GRM7: variants seen among roughly 807,000 people sequenced by gnomAD.
The protein encoded by GRM7 is glutamate metabotropic receptor 7.
In GRM7, 35 loss-of-function variants were observed where a neutral mutation model predicts 84.5. That is an observed-to-expected ratio of 0.41 (90% confidence interval 0.32 to 0.55). The LOEUF (loss-of-function observed/expected upper bound fraction) is 0.55, where lower values mean the gene tolerates loss of function less well. Ranked by LOEUF, GRM7 falls within the 20% of genes least tolerant of loss-of-function variation. GRM7 has a pLI of 0.19. For missense variants in GRM7, 1,003 were observed against 1,194.6 expected, an observed-to-expected ratio of 0.84 and a Z score of 2.36; for synonymous variants, 487 against 455.1, an observed-to-expected ratio of 1.07 and a Z score of -0.89.
At chr3:7,542,730 TAG>T (rs2125016925) in intron 7 of GRM7, among the ~76,000 whole-genome samples, 1 of 152,132 alleles carries the variant, frequency 6.6e-6, no homozygotes, top group South Asian at 2.1e-4. Flanking sequence ...GTATTTTTAG[TAG>T]AGACAGGTTT....
intron 1 of GRM7, among the ~76,000 whole-genome samples, chr3:7,129,709 T>C (rs1036270678): frequency 6.6e-6 from 1 of 152,162 alleles, no homozygotes; most frequent in Non-Finnish European, 1.5e-5. Flanking sequence ...GAGAATGGAA[T>C]TGACATTCTA....
intron 5 of GRM7, among the ~76,000 whole-genome samples, chr3:7,431,026 G>T (rs374862504): frequency 2.0e-5 from 3 of 151,950 alleles, no homozygotes; most frequent in Admixed American, 6.6e-5. Context: ...GTGGGGAGGG[G>T]CCCAGTGCGA....
intron 1 of GRM7, among the ~76,000 whole-genome samples, chr3:6,984,783 G>T (rs1694345318): frequency 6.6e-6 from 1 of 152,130 alleles, no homozygotes; most frequent in African/African-American, 2.4e-5. Flanking sequence ...TGAAAAATTA[G>T]GTGCAAGAAA....
chr3:7,419,961 G>T (rs1021776554), intron 5 of GRM7, among the ~76,000 whole-genome samples: 5 of 152,160 alleles, frequency 3.3e-5, no homozygotes, highest in Admixed American at 1.3e-4. Flanking sequence ...ACTGTGGAAA[G>T]ATATCAAGGG....
chr3:7,691,567 A>G (rs1700801343), intron 9 of GRM7, among the ~76,000 whole-genome samples: 1 of 152,190 alleles, frequency 6.6e-6, no homozygotes, highest in Non-Finnish European at 1.5e-5. Flanking sequence ...GATTCTGTAT[A>G]TGAAAGCCCT....
intron 9 of GRM7, among the ~76,000 whole-genome samples, chr3:7,686,164 G>A (rs2092177788): frequency 6.6e-6 from 1 of 152,100 alleles, no homozygotes; most frequent in Admixed American, 6.6e-5. Context: ...AGAGGCACCA[G>A]TACTCCCATG....
intron 7 of GRM7, among the ~76,000 whole-genome samples, chr3:7,477,130 A>G (rs886630358): frequency 2.0e-5 from 3 of 152,186 alleles, no homozygotes; most frequent in Non-Finnish European, 4.4e-5. Flanking sequence ...ATTTGGTACT[A>G]ACTTTTCTTT....
intron 2 of GRM7, among the ~76,000 whole-genome samples, chr3:7,177,859 C>A (rs911603185): frequency 6.6e-6 from 1 of 152,170 alleles, no homozygotes; most frequent in Non-Finnish European, 1.5e-5. Context: ...AATCCTATCA[C>A]AAATGAAAAT....
chr3:6,997,564 A>G (rs1411285195), intron 1 of GRM7, among the ~76,000 whole-genome samples: 5 of 152,174 alleles, frequency 3.3e-5, no homozygotes, highest in African/African-American at 1.2e-4. Context: ...AACTGCCCCC[A>G]TGATTCAATT....
At chr3:7,394,783 A>G (rs917671928) in intron 4 of GRM7, among the ~76,000 whole-genome samples, 1 of 152,176 alleles carries the variant, frequency 6.6e-6, no homozygotes, top group Admixed American at 6.5e-5. Context: ...CATGCCTGTA[A>G]TCCCAGCACT....
chr3:7,640,890 A>G (rs1417970877), intron 8 of GRM7, among the ~76,000 whole-genome samples: 1 of 152,212 alleles, frequency 6.6e-6, no homozygotes, highest in Non-Finnish European at 1.5e-5. Flanking sequence ...AAGCCATGAC[A>G]ATGACTAACC....
intron 1 of GRM7, among the ~76,000 whole-genome samples, chr3:6,951,142 A>T (rs1469754931): frequency 6.6e-6 from 1 of 152,152 alleles, no homozygotes; most frequent in Non-Finnish European, 1.5e-5. Context: ...CTCACACTGG[A>T]AGCTGTAGAC....
chr3:7,611,927 C>A (rs1247473245), intron 8 of GRM7, among the ~76,000 whole-genome samples: 2 of 152,154 alleles, frequency 1.3e-5, no homozygotes, highest in African/African-American at 2.4e-5. Flanking sequence ...TGTAAAAATT[C>A]ACAATTCTCA....
chr3:6,884,377 C>CA (rs1695617388), intron 1 of GRM7: 3 of 152,574 alleles, frequency 2.0e-5, no homozygotes, highest in Admixed American at 2.0e-4. Context: ...GCCTATTTAT[C>CA]ATTTCTAAAA....
intron 7 of GRM7, among the ~76,000 whole-genome samples, chr3:7,516,494 A>AG (rs1269984003): frequency 5.4e-5 from 8 of 148,794 alleles, no homozygotes; most frequent in African/African-American, 2.0e-4. Context: ...AAAAAAAAAA[A>AG]AAAAAAAAAA....
intron 2 of GRM7, among the ~76,000 whole-genome samples, chr3:7,185,173 C>T (rs911306904): frequency 1.3e-5 from 2 of 152,032 alleles, no homozygotes; most frequent in Non-Finnish European, 2.9e-5. Context: ...ATTACTAGGC[C>T]ATGTTATATG....
chr3:7,362,385 G>C lies in GRM7; in HGVS notation c.1034-52638G>C, dbSNP rs143940029. 6.1e-3 allele frequency among the ~76,000 whole-genome samples: 933 copies of C among 152,008 alleles called. 6 individuals are homozygous for C. The highest frequency in any genetic ancestry group is 0.021 in the African/African-American group (879 of 41,496). On this transcript the variant is annotated intron_variant, in intron 4 of 9. Transcript: ENST00000357716. ...ACTTTTGTCAAAATTCAAAACGAGA[G>C]AAAATGACTATTCTTGAAAATAATT...
chr3:7,001,834 A>AAAC (rs1559377514), intron 1 of GRM7, among the ~76,000 whole-genome samples: 1 of 152,194 alleles, frequency 6.6e-6, no homozygotes, highest in Non-Finnish European at 1.5e-5. Context: ...TATCTACAAT[A>AAAC]AACATGAATT....
intron 7 of GRM7, among the ~76,000 whole-genome samples, chr3:7,575,930 T>A (rs367867448): frequency 7.2e-5 from 11 of 152,342 alleles, no homozygotes; most frequent in African/African-American, 2.4e-4. Context: ...GTTGGCAGCA[T>A]TTTAAACTGG....
Sources: gnomAD v4.1 joint callset for allele counts (sites outside exome capture counted in the v4.1 genomes callset) on GRCh38, gnomAD v4.1.1 for gene constraint, MANE v1.5 for transcripts, NCBI Gene and HGNC (gene_info 2026-07-23, HGNC 2026-07-21) for gene names.